FHAD1: variants seen among roughly 807,000 people sequenced by gnomAD.
FHAD1 encodes forkhead-associated domain-containing protein 1.
In FHAD1, 146 loss-of-function variants were observed where a neutral mutation model predicts 191.3. The observed-to-expected ratio is 0.76, with a 90% CI of 0.67 to 0.88. The LOEUF (loss-of-function observed/expected upper bound fraction) is 0.88, where lower values mean the gene tolerates loss of function less well. Among genes scored for constraint, FHAD1 ranks in the 40% least tolerant of loss-of-function variants. The pLI is 0.00. For missense variants in FHAD1, 1,635 were observed against 1,785.8 expected (o/e 0.92, Z 1.52); for synonymous variants, 616 against 672.3 (o/e 0.92, Z 1.29).
rs556890349 is a variant in FHAD1 at position 15,262,089 on chromosome 1, G to T, written c.93+10212G>T. On this transcript the variant is annotated intron_variant, in intron 2 of 33. Transcript: ENST00000688493. ...ACCACACTGAAAATTTTGCCAAATA[G>T]TATCTTTTGTCAGTCCTTTGAGGTA... is the stretch of plus-strand genomic sequence containing the variant. Among the ~76,000 whole-genome samples, 104 of 152,200 alleles carry T rather than the reference G, an allele frequency of 6.8e-4. 1 individual carries two copies. Among genetic ancestry groups the T allele is most frequent in the African/African-American group, 2.4e-3 (101 of 41,520 alleles).
At chr1:15,336,733 G>C (rs1468021068) in intron 14 of FHAD1, among the ~76,000 whole-genome samples, 1 of 152,192 alleles carries the variant, frequency 6.6e-6, no homozygotes, top group African/African-American at 2.4e-5. Flanking sequence ...TTCATTGCCA[G>C]CTTCTTGGCC....
chr1:15,394,707 C>G (rs188125397), intron 33 of FHAD1, among the ~76,000 whole-genome samples: 1 of 152,098 alleles, frequency 6.6e-6, no homozygotes, highest in Non-Finnish European at 1.5e-5. Flanking sequence ...AAGGCAGGAT[C>G]GATATTCATC....
In FHAD1 at chr1:15,345,012, G is replaced by C. The variant is rs1052053804; in HGVS notation, c.2131-71G>C. ...GGTGAGGAGTGAAGAGGTAGCACATGCAGTGCCTGGCAGCGTCCAAATTCC... is the reference window on the plus strand; with the variant it reads ...GGTGAGGAGTGAAGAGGTAGCACATCCAGTGCCTGGCAGCGTCCAAATTCC... On this transcript the variant is annotated intron_variant, in intron 16 of 33. Transcript: ENST00000688493. The C allele has an allele frequency of 6.9e-6, 8 of 1,164,944 alleles. No homozygotes were observed. The African/African-American group carries it at 1.1e-4, about 16-fold the overall frequency. The allele number at this position is 1,164,944 out of a possible 1,614,324, so 72.2% of individuals were successfully genotyped here. A position where few individuals can be genotyped will look rare whatever the true frequency, so the allele number is the denominator to read the frequency against.
chr1:15,244,021 C>T (rs1251696355), upstream of FHAD1, among the ~76,000 whole-genome samples: 1 of 151,782 alleles, frequency 6.6e-6, no homozygotes, highest in Non-Finnish European at 1.5e-5. This position sits in a 1 kb window ranked among gnomAD's most constrained non-coding sequence, Gnocchi z 5.1. Context: ...GTAGGCACTG[C>T]CAAGAAGCAC....
chr1:15,292,880 A>G (rs1665375192), intron 4 of FHAD1, among the ~76,000 whole-genome samples: 1 of 152,136 alleles, frequency 6.6e-6, no homozygotes, highest in Non-Finnish European at 1.5e-5. Context: ...CCTTGAAGAT[A>G]GGAGTTCAAG....
chr1:15,267,188 A>C (rs749663648), intron 2 of FHAD1, among the ~76,000 whole-genome samples: 4 of 152,222 alleles, frequency 2.6e-5, no homozygotes, highest in Admixed American at 6.5e-5. Flanking sequence ...TTCACTTAGC[A>C]ATTACAAATA....
intron 26 of FHAD1, among the ~76,000 whole-genome samples, chr1:15,372,127 G>A (rs536934312): frequency 8.5e-5 from 13 of 152,228 alleles, no homozygotes; most frequent in East Asian, 3.9e-4. Context: ...ACAGTGACGC[G>A]GGGGCATGGG....
intron 5 of FHAD1, among the ~76,000 whole-genome samples, chr1:15,297,693 C>G (rs1667391282): frequency 6.6e-6 from 1 of 152,182 alleles, no homozygotes; most frequent in Non-Finnish European, 1.5e-5. Flanking sequence ...TGTCTTCTGC[C>G]TCACTCATGC....
chr1:15,256,450 C>T (rs1043168634), intron 2 of FHAD1, among the ~76,000 whole-genome samples: 20 of 151,982 alleles, frequency 1.3e-4, no homozygotes, highest in Admixed American at 1.3e-4. Flanking sequence ...GTCAGGAGTT[C>T]GAGACCAGCC....
At chr1:15,391,045 T>G in intron 32 of FHAD1, 165 bp from the exon 33 acceptor site, 1 of 263,036 alleles carries the variant, frequency 3.8e-6, no homozygotes, top group South Asian at 3.6e-5. Context: ...AGAAAATGGA[T>G]TTTTCTCAAT....
intron 14 of FHAD1, among the ~76,000 whole-genome samples, chr1:15,336,514 G>A (rs1684165924): frequency 6.6e-6 from 1 of 151,948 alleles, no homozygotes; most frequent in Non-Finnish European, 1.5e-5. Context: ...CAGGGACCTT[G>A]TGCACAAATT....
chr1:15,357,569 G>T (rs1340355833), intron 20 of FHAD1, among the ~76,000 whole-genome samples: 1 of 148,356 alleles, frequency 6.7e-6, no homozygotes, highest in East Asian at 2.0e-4. Flanking sequence ...GTTGCAGTGA[G>T]CTGAGATAGC....
chr1:15,353,779 G>C (rs1184724366), intron 20 of FHAD1, among the ~76,000 whole-genome samples: 1 of 148,884 alleles, frequency 6.7e-6, no homozygotes, highest in Non-Finnish European at 1.5e-5. Context: ...CTGGATCTCT[G>C]ATCAGGCTGA....
At chr1:15,400,515 A>G (rs560819689), downstream of FHAD1, among the ~76,000 whole-genome samples, 23 of 152,332 alleles carry the variant, frequency 1.5e-4, no homozygotes, top group African/African-American at 5.3e-4. Flanking sequence ...GTTCTCAACA[A>G]GGAGCAATTT....
intron 31 of FHAD1, chr1:15,383,957 C>CT (rs1162338301): frequency 2.6e-6 from 1 of 386,170 alleles, no homozygotes; most frequent in East Asian, 7.7e-5. Flanking sequence ...TAACTGTCAG[C>CT]TTTTATGTGT....
chr1:15,264,209 G>A (rs1292276542), intron 2 of FHAD1, among the ~76,000 whole-genome samples: 1 of 152,154 alleles, frequency 6.6e-6, no homozygotes, highest in African/African-American at 2.4e-5. Flanking sequence ...CATTAAATCT[G>A]TAGGTTGCTT....
At position 15,329,082 on chromosome 1, in the gene FHAD1, T is replaced by C. The variant is rs1223891816; in HGVS notation, c.1711-264T>C. ...CATTTGCTTCTCATTGCAGCCAAACTGTTGATGGTACTTTGGCTCTGGGGT... is the reference window on the plus strand; with the variant it reads ...CATTTGCTTCTCATTGCAGCCAAACCGTTGATGGTACTTTGGCTCTGGGGT... On this transcript the variant is annotated intron_variant, in intron 13 of 33. Transcript: ENST00000688493. The surrounding 1 kb of genome is among the most constrained non-coding windows in gnomAD (Gnocchi z 5.0). 1 of 305,328 alleles carries C rather than the reference T, an allele frequency of 3.3e-6. No homozygotes were observed. Among genetic ancestry groups the C allele is most frequent in the Non-Finnish European group, 6.0e-6 (1 of 166,884 alleles). 18.9% of individuals were successfully genotyped at this position (305,328 alleles called of 1,614,324 possible).
rs570784292 is a variant in FHAD1 at position 15,352,000 on chromosome 1, C to T, written c.2455-877C>T. 8.5e-5 allele frequency among the ~76,000 whole-genome samples: 13 copies of T among 152,198 alleles called. No homozygotes were observed. In the East Asian group the frequency reaches 2.5e-3, roughly 29 times the overall value. ...GTTCCCATCTCCTATCACTGCATGC[C>T]CTGTAACGATTTTCATTCATTTTTC... On this transcript the variant is annotated intron_variant, in intron 19 of 33. Transcript: ENST00000688493.
In FHAD1 at chr1:15,298,586, C is replaced by T. The variant is rs139758683; in HGVS notation, c.678+1793C>T. ...GGTTTCCAGAGGGCCAGGACAGAAG[C>T]TGTACAGCCTCTTAAGAACTTGCTT... On this transcript the variant is annotated intron_variant, in intron 5 of 33. Transcript: ENST00000688493. 5.9e-5 allele frequency among the ~76,000 whole-genome samples: 9 copies of T among 152,290 alleles called. No individual in the cohort carries two copies. In the East Asian group the frequency reaches 9.7e-4, roughly 16 times the overall value.
Sources: gnomAD v4.1 joint callset for allele counts (sites outside exome capture counted in the v4.1 genomes callset) on GRCh38, gnomAD v4.1.1 for gene constraint, Gnocchi (gnomAD v3.1) non-coding constraint, MANE v1.5 for transcripts, NCBI Gene and HGNC (gene_info 2026-07-23, HGNC 2026-07-21) for gene names.